The following SEMA3A variants were observed in gnomAD, a reference collection of about 807,000 sequenced individuals.
SEMA3A encodes the protein semaphorin 3A.
SEMA3A carries 29 observed loss-of-function variants against 97.9 expected under a neutral mutation model. The ratio of observed to expected loss-of-function variants is 0.30; its 90% CI spans 0.22 to 0.40. The LOEUF (loss-of-function observed/expected upper bound fraction) is 0.40. SEMA3A is among the 10% of genes least tolerant of loss of function. The pLI is 1.00. For synonymous variants in SEMA3A, 321 were observed against 323.7 expected (o/e 0.99, Z 0.09); for missense variants, 763 against 951.3 (o/e 0.80, Z 2.60).
At chr7:84,283,997 C>T (rs1478110454) in intron 3 of SEMA3A, among the ~76,000 whole-genome samples, 1 of 151,980 alleles carries the variant, frequency 6.6e-6, no homozygotes, top group Non-Finnish European at 1.5e-5. Context: ...GCTGACAATG[C>T]TAGATTGGAG....
At chr7:84,437,930 AT>A (rs1562948212) in intron 1 of SEMA3A, among the ~76,000 whole-genome samples, 1 of 152,044 alleles carries the variant, frequency 6.6e-6, no homozygotes, top group Non-Finnish European at 1.5e-5. Context: ...GCCTCAGCTG[AT>A]TTTTTAAAAA....
chr7:84,377,712 A>G (rs1434688372), intron 1 of SEMA3A, among the ~76,000 whole-genome samples: 1 of 152,186 alleles, frequency 6.6e-6, no homozygotes, highest in Non-Finnish European at 1.5e-5. Context: ...AGTTTGATAG[A>G]TAATAAGCTT....
chr7:84,440,523 T>A (rs921764439), intron 1 of SEMA3A, among the ~76,000 whole-genome samples: 5 of 152,166 alleles, frequency 3.3e-5, no homozygotes, highest in Non-Finnish European at 2.9e-5. Flanking sequence ...GGCCAATGAA[T>A]CCTCCGCCTT....
chr7:84,027,406 T>C (rs2116455650), intron 6 of SEMA3A, among the ~76,000 whole-genome samples: 1 of 152,336 alleles, frequency 6.6e-6, no homozygotes. Context: ...GGTGGAAATT[T>C]ATCTTCTGCA....
chr7:84,416,585 T>C lies in SEMA3A; in HGVS notation c.-245-44685A>G, dbSNP rs577871763. ...ATTATCCCTTGCTAATCAGCATCCA[T>C]AAAATGCAGTTGTATTCACAAACAT... is the stretch of plus-strand genomic sequence containing the variant. On this transcript the variant is annotated intron_variant, in intron 1 of 3. Coordinates refer to the SEMA3A transcript ENST00000424555. 3.3e-5 allele frequency among the ~76,000 whole-genome samples: 5 copies of C among 152,242 alleles called. No individual in the cohort carries two copies. The South Asian group carries it at 1.0e-3, about 32-fold the overall frequency.
chr7:83,973,047 G>A (rs1788980922), intron 15 of SEMA3A, among the ~76,000 whole-genome samples: 1 of 152,084 alleles, frequency 6.6e-6, no homozygotes, highest in Non-Finnish European at 1.5e-5. Context: ...CTTGATCTGA[G>A]TTGAAGTTGC....
At chr7:84,279,302 A>C (rs1800381012) in intron 3 of SEMA3A, among the ~76,000 whole-genome samples, 1 of 152,118 alleles carries the variant, frequency 6.6e-6, no homozygotes, top group African/African-American at 2.4e-5. Flanking sequence ...ACACATCAAT[A>C]CTATATACTA....
At chr7:84,297,050 T>C (rs1800890520) in intron 3 of SEMA3A, among the ~76,000 whole-genome samples, 1 of 152,176 alleles carries the variant, frequency 6.6e-6, no homozygotes, top group South Asian at 2.1e-4. Flanking sequence ...CAATCTCAGC[T>C]CACTGCAACA....
At chr7:84,322,390 T>C (rs1801669942) in intron 2 of SEMA3A, among the ~76,000 whole-genome samples, 1 of 152,124 alleles carries the variant, frequency 6.6e-6, no homozygotes, top group Admixed American at 6.5e-5. Flanking sequence ...ATTATGGATA[T>C]GGCTTGGCTA....
chr7:84,273,909 T>G (rs2115713695), intron 3 of SEMA3A, among the ~76,000 whole-genome samples: 1 of 152,198 alleles, frequency 6.6e-6, no homozygotes, highest in South Asian at 2.1e-4. Context: ...TCTGTCTCAT[T>G]ATGGGTCATT....
intron 2 of SEMA3A, among the ~76,000 whole-genome samples, chr7:84,353,582 T>A (rs2116034496): frequency 6.6e-6 from 1 of 151,836 alleles, no homozygotes; most frequent in African/African-American, 2.4e-5. Context: ...ATAGCAGATA[T>A]AAAGGTTCAG....
At chr7:84,007,827 C>T (rs574271064) in intron 9 of SEMA3A, among the ~76,000 whole-genome samples, 3 of 152,090 alleles carry the variant, frequency 2.0e-5, no homozygotes, top group African/African-American at 4.8e-5. Context: ...ATTTTAATAT[C>T]GTGGGGAAAT....
chr7:83,961,875 A>G, intron 16 of SEMA3A, 49 bp from the exon 17 acceptor site: 1 of 1,391,028 alleles, frequency 7.2e-7, no homozygotes, highest in Non-Finnish European at 9.9e-7. Context: ...TTTAAAAGAA[A>G]TAGAAGCTCT....
chr7:84,194,651 G>C lies in SEMA3A; in HGVS notation c.-65C>G. 2.9e-6 allele frequency: 3 copies of C among 1,019,226 alleles called. No homozygotes were observed. Among genetic ancestry groups the C allele is most frequent in the Non-Finnish European group, 4.6e-6 (3 of 655,322 alleles). 63.1% of individuals were successfully genotyped at this position (1,019,226 alleles called of 1,614,324 possible). ...CTTCCTGTATTGTGCGGCCAGAGAA[G>C]TTCAAACAATCTGGAAACTGGAGGT... is the stretch of plus-strand genomic sequence containing the variant. On this transcript the variant is annotated 5_prime_UTR_variant, in exon 1 of 17. Transcript: ENST00000265362.
chr7:84,150,497 C>G lies in SEMA3A; in HGVS notation c.113-15546G>C, dbSNP rs545157973. The stretch of plus-strand genomic sequence containing the variant: ...GGGTGACGGACGGCACCTGGAGAAT[C>G]GGGTCACTCCCACCCGAATACTGTG... On this transcript the variant is annotated intron_variant, in intron 1 of 16. Transcript: ENST00000265362. Among the ~76,000 whole-genome samples, 6 of 152,270 alleles carry G rather than the reference C, an allele frequency of 3.9e-5. No homozygotes were observed. The East Asian group carries it at 1.2e-3, about 30-fold the overall frequency.
At chr7:84,410,528 G>C (rs1486936836) in intron 1 of SEMA3A, among the ~76,000 whole-genome samples, 2 of 152,020 alleles carry the variant, frequency 1.3e-5, no homozygotes, top group Non-Finnish European at 2.9e-5. Flanking sequence ...TAGTTTTAAG[G>C]AGAGGTGCTA....
intron 1 of SEMA3A, among the ~76,000 whole-genome samples, chr7:84,190,723 TATATA>T (rs1267615625): frequency 6.8e-6 from 1 of 147,548 alleles, no homozygotes; most frequent in East Asian, 1.9e-4. Flanking sequence ...TATATGTATA[TATATA>T]ATATATATAC....
chr7:84,225,984 C>T (rs1798982658), intron 3 of SEMA3A, among the ~76,000 whole-genome samples: 1 of 151,976 alleles, frequency 6.6e-6, no homozygotes, highest in African/African-American at 2.4e-5. Flanking sequence ...CCTGAGAGCA[C>T]AAGTGAAAGC....
At chr7:84,083,303 C>A (rs907242604) in intron 4 of SEMA3A, among the ~76,000 whole-genome samples, 9 of 150,944 alleles carry the variant, frequency 6.0e-5, no homozygotes, top group Admixed American at 4.6e-4. Context: ...TTATTTTTTT[C>A]TTTTTAATTA....
Sources: allele counts gnomAD v4.1 joint callset (sites outside exome capture counted in the v4.1 genomes callset), GRCh38; gene constraint gnomAD v4.1.1; transcripts MANE v1.5; gene names NCBI Gene and HGNC (gene_info 2026-07-23, HGNC 2026-07-21).